Variants in DLL1 observed in about 807,000 individuals in gnomAD.
DLL1 encodes delta-like protein 1.
Under a neutral mutation model 75.1 loss-of-function variants are expected in DLL1, and 9 were observed. The observed-to-expected ratio is 0.12, with a 90% CI of 0.07 to 0.21. The LOEUF is 0.21. Among genes scored for constraint, DLL1 ranks in the 10% least tolerant of loss-of-function variants. DLL1 has a pLI of 1.00. For missense variants in DLL1, 837 were observed against 1,007.6 expected (o/e 0.83, Z 2.29); for synonymous variants, 477 against 418.3 (o/e 1.14, Z -1.71).
chr6:170,289,720 C>T lies in DLL1; in HGVS notation c.143G>A (p.Gly48Asp), dbSNP rs889256403. Residue 48 changes from glycine to aspartate, a missense_variant, in exon 2 of 11, where the codon GGC (glycine) becomes GAC (aspartate). Around this residue, in one of 2 missense-constraint regions of DLL1, gnomAD observed 304 missense variants for 461.9 expected, o/e 0.66. Transcript: ENST00000366756. ...LLGNRNCCRGGAGPPPCACRT... is the reference protein window; with the variant it reads ...LLGNRNCCRGDAGPPPCACRT... ...GCAGGCGCACGGCGGTGGCCCCGCGCCCCCGCGGCAGCAGTTGCGGTTCCC... is the reference window on the plus strand; with the variant it reads ...GCAGGCGCACGGCGGTGGCCCCGCGTCCCCGCGGCAGCAGTTGCGGTTCCC... The T allele has an allele frequency of 1.3e-6, 2 of 1,549,546 alleles. No individual in the cohort carries two copies. The highest frequency in any genetic ancestry group is 2.4e-5 in the East Asian group (1 of 40,994).
At position 170,290,231 on chromosome 6, in the gene DLL1, C is replaced by A; in HGVS notation, c.-92G>T. 1 of 1,498,722 alleles carries A rather than the reference C, an allele frequency of 6.7e-7. No individual in the cohort carries two copies. The allele number at this position is 1,498,722 out of a possible 1,614,324, so 92.8% of individuals were successfully genotyped here. On this transcript the variant is annotated 5_prime_UTR_variant, in exon 1 of 11. Transcript: ENST00000366756. The surrounding 1 kb of genome is among the most constrained non-coding windows in gnomAD (Gnocchi z 4.7). ...CGGGGGATCGATGGGCCACGGGGAGCGTGGGCAGAAAAGCGCCCTTGCCTC... is the reference window on the plus strand; with the variant it reads ...CGGGGGATCGATGGGCCACGGGGAGAGTGGGCAGAAAAGCGCCCTTGCCTC...
At position 170,282,703 on chromosome 6, in the gene DLL1, C is replaced by T. The variant is rs1280904978; in HGVS notation, c.*171G>A. On this transcript the variant is annotated 3_prime_UTR_variant, in exon 11 of 11. Transcript: ENST00000366756. ...CCGCAGGCGGCCGGGCCGCGACAGG[C>T]TGTCGGCAGGCGTCGAGGACCTCAG... is the stretch of plus-strand genomic sequence containing the variant. 5.4e-6 allele frequency: 6 copies of T among 1,118,734 alleles called. No individual in the cohort carries two copies. Among genetic ancestry groups the T allele is most frequent in the African/African-American group, 1.5e-5 (1 of 65,162 alleles). The allele number at this position is 1,118,734 out of a possible 1,614,324, so 69.3% of individuals were successfully genotyped here. A position where few individuals can be genotyped will look rare whatever the true frequency, so the allele number is the denominator to read the frequency against.
At chr6:170,288,934 C>A in intron 2 of DLL1, 145 bp from the exon 3 acceptor site, 1 of 853,422 alleles carries the variant, frequency 1.2e-6, no homozygotes, top group Non-Finnish European at 2.0e-6. Context: ...AGGGTCTCCA[C>A]GCACCTCCTG....
rs1195178674 is a variant in DLL1 at position 170,283,635 on chromosome 6, C to T, written c.1644G>A (p.Val548=). ...GQGGPFPWVA[V]CAGVILVLML... ...TGAGGACAAGGATGACCCCGGCGCA[C>T]ACGGCCACCCAGGGGAATGGCCCGC... Residue 548 remains valine (V), a synonymous_variant, in exon 9 of 11, where the codon GTG becomes GTA. Transcript: ENST00000366756. 6.2e-7 allele frequency: 1 copy of T among 1,605,422 alleles called. No homozygotes were observed. The highest frequency in any genetic ancestry group is 1.7e-5 in the Admixed American group (1 of 59,540).
rs779205360 is a variant in DLL1 at position 170,283,437 on chromosome 6, G to A, written c.1842C>T (p.Asn614=). 5 of 1,611,922 alleles carry A rather than the reference G, an allele frequency of 3.1e-6. No homozygotes were observed. The highest frequency in any genetic ancestry group is 4.2e-6 in the Non-Finnish European group (5 of 1,180,032). ...CGTGGAAGTCCGCCTTCTTGTTGGT[G>A]TTCTTGATCTGCGTGGCCCCGATGA... ...VSIIGATQIK[N]TNKKADFHGD... Residue 614 remains asparagine, a synonymous_variant, in exon 9 of 11, where the codon AAC becomes AAT. Coordinates refer to ENST00000366756, the MANE Select transcript of DLL1 (RefSeq NM_005618.4).
In DLL1 at chr6:170,290,171, C is replaced by A; in HGVS notation, c.-32G>T. On this transcript the variant is annotated 5_prime_UTR_variant, in exon 1 of 11. Coordinates refer to ENST00000366756, the MANE Select transcript of DLL1 (RefSeq NM_005618.4). The surrounding 1 kb of genome is among the most constrained non-coding windows in gnomAD (Gnocchi z 4.7). ...TCGCTCCACGCGCGAGCCTGGGGGG[C>A]CCCCACTTCTCTCCTTAGAACAGCG... is the stretch of plus-strand genomic sequence containing the variant. The A allele has an allele frequency of 2.5e-6, 4 of 1,586,290 alleles. No homozygotes were observed. The highest frequency in any genetic ancestry group is 3.4e-6 in the Non-Finnish European group (4 of 1,174,280).
Position 170,288,230 on chromosome 6 carries a change from G to A in DLL1, c.670+9C>T. 1 of 1,613,792 alleles carries A rather than the reference G, an allele frequency of 6.2e-7. No individual in the cohort carries two copies. Among genetic ancestry groups the A allele is most frequent in the South Asian group, 1.1e-5 (1 of 91,080 alleles). ...CGAGTGAGCCAGCGGTGCCTTCCCA[G>A]AGACTCACGCTCTGTGCAGTAGGGC... On this transcript the variant is annotated intron_variant, in intron 4 of 10. Coordinates refer to ENST00000366756, the MANE Select transcript of DLL1 (RefSeq NM_005618.4).
In DLL1 at chr6:170,290,056, G is replaced by T; in HGVS notation, c.54+30C>A. Reference sequence around the variant, plus strand: ...CCCCGGCTACCCGTGAGACCCCGCGGGGCCGCGGCGCCCCCACCTGCCCGC... The same window carrying T: ...CCCCGGCTACCCGTGAGACCCCGCGTGGCCGCGGCGCCCCCACCTGCCCGC... On this transcript the variant is annotated intron_variant, in intron 1 of 10. Transcript: ENST00000366756. The surrounding 1 kb of genome is among the most constrained non-coding windows in gnomAD (Gnocchi z 4.7). 1 of 1,568,374 alleles carries T rather than the reference G, an allele frequency of 6.4e-7. No homozygotes were observed. Among genetic ancestry groups the T allele is most frequent in the Non-Finnish European group, 8.6e-7 (1 of 1,166,702 alleles).
Position 170,290,568 on chromosome 6 carries a change from C to T in DLL1, c.-429G>A, listed in dbSNP as rs1450375006. ...AATTCCCAAGAGAGCTGCAGAGCTT[C>T]CTCCCGAGCCGATTAGAAAGCCGCG... On this transcript the variant is annotated 5_prime_UTR_variant, in exon 1 of 11. Transcript: ENST00000366756. This position sits in a 1 kb window ranked among gnomAD's most constrained non-coding sequence, Gnocchi z 4.7. 4.1e-6 allele frequency: 1 copy of T among 241,822 alleles called. No homozygotes were observed. Among genetic ancestry groups the T allele is most frequent in the Non-Finnish European group, 7.7e-6 (1 of 129,114 alleles). 15.0% of individuals were successfully genotyped at this position (241,822 alleles called of 1,614,324 possible). A position where few individuals can be genotyped will look rare whatever the true frequency, so the allele number is the denominator to read the frequency against.
rs1332716124 is a variant in DLL1, at chr6:170,285,155, GA to G, written c.1033-21del. The G allele has an allele frequency of 1.9e-6, 3 of 1,613,762 alleles. No homozygotes were observed. The highest frequency in any genetic ancestry group is 2.5e-6 in the Non-Finnish European group (3 of 1,180,008). Reference sequence around the variant, plus strand: ...GAGATCCTACACGATGGAGAGGTCAGAAAAGGCTTTCCAAAGTTGCTCCAAG... The same window carrying G: ...GAGATCCTACACGATGGAGAGGTCAGAAAGGCTTTCCAAAGTTGCTCCAAG... On this transcript the variant is annotated intron_variant, in intron 7 of 10. Transcript: ENST00000366756.
At position 170,290,452 on chromosome 6, in the gene DLL1, A is replaced by G. The variant is rs942991749; in HGVS notation, c.-313T>C. ...CTTCCTCCCAGCCCCCGAGGAGGTG[A>G]GGGTCGCCGGCTTCCTGGTTTTGTC... is the stretch of plus-strand genomic sequence containing the variant. On this transcript the variant is annotated 5_prime_UTR_variant, in exon 1 of 11. Coordinates refer to ENST00000366756, the MANE Select transcript of DLL1 (RefSeq NM_005618.4). The surrounding 1 kb of genome is among the most constrained non-coding windows in gnomAD (Gnocchi z 4.7). The G allele has an allele frequency of 2.8e-6, 1 of 352,632 alleles. No individual in the cohort carries two copies. The highest frequency in any genetic ancestry group is 4.9e-5 in the East Asian group (1 of 20,612). 21.8% of individuals were successfully genotyped at this position (352,632 alleles called of 1,614,324 possible).
Position 170,283,285 on chromosome 6 carries a change from C to T in DLL1, c.1994G>A (p.Cys665Tyr). 6.2e-7 allele frequency: 1 copy of T among 1,613,138 alleles called. No individual in the cohort carries two copies. The highest frequency in any genetic ancestry group is 8.5e-7 in the Non-Finnish European group (1 of 1,179,998). Residue 665 changes from cysteine (C) to tyrosine (Y), a missense_variant, in exon 9 of 11, where the codon TGC becomes TAC. Coordinates refer to ENST00000366756, the MANE Select transcript of DLL1 (RefSeq NM_005618.4). ...RDAHSKRDTK[C>Y]QPQGSSGEEK... ...CTCCCCTGAGGAGCCCTGGGGCTGG[C>T]ACTTGGTGTCACGCTTGCTGTGCGC...
rs746368360 is a variant in DLL1, at chr6:170,282,883, G to A, written c.2167-4C>T. 32 of 1,613,668 alleles carry A rather than the reference G, an allele frequency of 2.0e-5. No homozygotes were observed. Among genetic ancestry groups the A allele is most frequent in the Admixed American group, 5.0e-5 (3 of 59,972 alleles). On this transcript the variant is annotated splice_polypyrimidine_tract_variant and splice_region_variant and intron_variant, in intron 10 of 10. Transcript: ENST00000366756. ...CCATCTCACTTCCATTTTACACCTG[G>A]GGGGCCACAAGACAAATGGGAAGTT... is the stretch of plus-strand genomic sequence containing the variant.
chr6:170,290,768 A>T lies in DLL1; in HGVS notation c.-629T>A. On this transcript the variant is annotated 5_prime_UTR_variant, in exon 1 of 11. Coordinates refer to ENST00000366756, the MANE Select transcript of DLL1 (RefSeq NM_005618.4). This position sits in a 1 kb window ranked among gnomAD's most constrained non-coding sequence, Gnocchi z 4.7. ...TCCGATCTCCGGTGTCACAGCAAAG[A>T]TCCGCGTCTTTCCGATGAATCCAGC... 2.0e-6 allele frequency: 1 copy of T among 508,448 alleles called. No homozygotes were observed. 31.5% of individuals were successfully genotyped at this position (508,448 alleles called of 1,614,324 possible). A position where few individuals can be genotyped will look rare whatever the true frequency, so the allele number is the denominator to read the frequency against.
At chr6:170,289,138 G>C in intron 2 of DLL1, 1 of 594,796 alleles carries the variant, frequency 1.7e-6, no homozygotes, top group Non-Finnish European at 3.0e-6. Flanking sequence ...GCTCCGGGTG[G>C]TAGCGGTCGC....
chr6:170,284,022 C>T lies in DLL1; in HGVS notation c.1257G>A (p.Lys419=). ...CSSSPCSNGA[K]CVDLGDAYLC... is the part of the protein sequence containing the mutation. ...GGTAGGCATCACCGAGGTCCACACACTTGGCACCTGGAACACAGGGACATG... is the reference window on the plus strand; with the variant it reads ...GGTAGGCATCACCGAGGTCCACACATTTGGCACCTGGAACACAGGGACATG... Residue 419 remains lysine (K), a synonymous_variant, in exon 9 of 11, where the codon AAG becomes AAA. Transcript: ENST00000366756. The T allele has an allele frequency of 6.4e-7, 1 of 1,570,892 alleles. No homozygotes were observed. The highest frequency in any genetic ancestry group is 1.2e-5 in the South Asian group (1 of 86,412).
Position 170,285,102 on chromosome 6 carries a change from G to C in DLL1, c.1066C>G (p.Pro356Ala), listed in dbSNP as rs1449604547. Reference sequence around the variant, plus strand: ...TCACAGATTTTGCCGTAGAAGCCGGGTGGGCAGGTACAGGAGTAGCTGTTC... The same window carrying C: ...TCACAGATTTTGCCGTAGAAGCCGGCTGGGCAGGTACAGGAGTAGCTGTTC... ...LENSYSCTCP[P>A]GFYGKICELS... The change falls in exon 8 of 11, where the codon CCC becomes GCC. Residue 356 changes from proline (P) to alanine (A), a missense_variant. Physicochemically the swap from Pro to Ala is conservative, Grantham distance 27. Transcript: ENST00000366756. 1.2e-6 allele frequency: 2 copies of C among 1,614,010 alleles called. No individual in the cohort carries two copies. Among genetic ancestry groups the C allele is most frequent in the African/African-American group, 2.7e-5 (2 of 74,920 alleles).
intron 2 of DLL1, chr6:170,289,195 C>G: frequency 1.6e-6 from 1 of 641,980 alleles, no homozygotes; most frequent in South Asian, 1.6e-5. Context: ...GTCGGGAAAC[C>G]AGAACCTTCC....
At chr6:170,289,894 C>T in intron 1 of DLL1, 86 bp from the exon 2 acceptor site, 1 of 1,430,730 alleles carries the variant, frequency 7.0e-7, no homozygotes, top group Admixed American at 2.4e-5. Context: ...GTGCGGAGAG[C>T]CTGGAAGGGC....
Sources: gnomAD v4.1 joint callset for allele counts on GRCh38, gnomAD v4.1.1 for gene constraint, gnomAD v4.1.1 regional missense constraint, Gnocchi (gnomAD v3.1) non-coding constraint, MANE v1.5 for transcripts, NCBI Gene and HGNC (gene_info 2026-07-23, HGNC 2026-07-21) for gene names.